SPIN1: variants seen among roughly 807,000 people sequenced by gnomAD.
SPIN1 encodes the protein spindlin-1.
SPIN1 carries 3 observed loss-of-function variants against 26.0 expected under a neutral mutation model. That is an observed-to-expected ratio of 0.12 (90% CI 0.05 to 0.30). SPIN1 has a LOEUF of 0.30. SPIN1 is among the 10% of genes least tolerant of loss of function. The pLI is 1.00. For missense variants in SPIN1, 126 were observed against 333.4 expected, an observed-to-expected ratio of 0.38 and a Z score of 4.84; for synonymous variants, 101 against 116.5, an observed-to-expected ratio of 0.87 and a Z score of 0.86.
chr9:88,411,112 T>G (rs960751725), intron 1 of SPIN1: 77 of 1,522,286 alleles, frequency 5.1e-5, no homozygotes, highest in Non-Finnish European at 6.1e-5. Flanking sequence ...GGTGATGTTC[T>G]TTAGTGTCTT....
At chr9:88,403,100 G>T (rs1360799918) in intron 1 of SPIN1, among the ~76,000 whole-genome samples, 1 of 151,928 alleles carries the variant, frequency 6.6e-6, no homozygotes, top group African/African-American at 2.4e-5. Flanking sequence ...TATGTTTTTT[G>T]ATGTCCTTTG....
intron 3 of SPIN1, among the ~76,000 whole-genome samples, chr9:88,451,338 C>T (rs547613155): frequency 7.3e-4 from 111 of 152,196 alleles, no homozygotes; most frequent in Admixed American, 1.2e-3. Flanking sequence ...CACCTGTCCC[C>T]GAAGGTGTTA....
At chr9:88,418,284 A>G (rs143558644) in intron 1 of SPIN1, among the ~76,000 whole-genome samples, 93 of 152,344 alleles carry the variant, frequency 6.1e-4, no homozygotes, top group African/African-American at 2.0e-3. Flanking sequence ...CATTAGCATA[A>G]AAAAGACACT....
chr9:88,408,376 CTTTTTTTTTTT>C (rs1177261349), intron 1 of SPIN1, among the ~76,000 whole-genome samples: 1 of 115,434 alleles, frequency 8.7e-6, no homozygotes, highest in African/African-American at 3.7e-5. Flanking sequence ...TCCTTTTTTT[CTTTTTTTTTTT>C]TTTTTTTTGA....
chr9:88,413,214 G>A (rs931198679), intron 1 of SPIN1, among the ~76,000 whole-genome samples: 5 of 149,996 alleles, frequency 3.3e-5, no homozygotes, highest in Admixed American at 6.7e-5. Flanking sequence ...CTACAGGTGC[G>A]TGCCACCACA....
chr9:88,405,711 C>T (rs1827287376), intron 1 of SPIN1, among the ~76,000 whole-genome samples: 1 of 151,834 alleles, frequency 6.6e-6, no homozygotes. Flanking sequence ...CCAGCCTGTA[C>T]TATACTTTTG....
chr9:88,459,306 A>C (rs1828531626), intron 3 of SPIN1, among the ~76,000 whole-genome samples: 1 of 152,206 alleles, frequency 6.6e-6, no homozygotes, highest in Admixed American at 6.5e-5. Flanking sequence ...TCTAAAGTGG[A>C]AATGTAATCT....
At chr9:88,400,476 A>G (rs1051664378) in intron 1 of SPIN1, among the ~76,000 whole-genome samples, 4 of 152,166 alleles carry the variant, frequency 2.6e-5, no homozygotes, top group African/African-American at 9.7e-5. Context: ...AGGCCCATCC[A>G]CAAGGCCTGA....
chr9:88,436,828 G>C (rs1425537809), intron 2 of SPIN1, among the ~76,000 whole-genome samples: 21 of 144,138 alleles, frequency 1.5e-4, no homozygotes, highest in Non-Finnish European at 2.6e-4. Flanking sequence ...GCAGTGGCGG[G>C]ATCTCGGCTC....
At chr9:88,429,856 G>C (rs1286672284) in intron 2 of SPIN1, among the ~76,000 whole-genome samples, 1 of 152,060 alleles carries the variant, frequency 6.6e-6, no homozygotes, top group Non-Finnish European at 1.5e-5. Context: ...AGCTGTCTCT[G>C]GTTATCCCAT....
At chr9:88,416,266 T>C (rs1214033895) in intron 1 of SPIN1, among the ~76,000 whole-genome samples, 1 of 152,184 alleles carries the variant, frequency 6.6e-6, no homozygotes, top group Non-Finnish European at 1.5e-5. Flanking sequence ...TGTCTTTTCC[T>C]CTTTTTTGTT....
intron 4 of SPIN1, among the ~76,000 whole-genome samples, chr9:88,464,520 T>C (rs1196740743): frequency 1.3e-5 from 2 of 152,234 alleles, no homozygotes; most frequent in African/African-American, 4.8e-5. Flanking sequence ...TTGGGTTCTC[T>C]GAAGCCCATT....
intron 2 of SPIN1, among the ~76,000 whole-genome samples, chr9:88,431,537 G>T (rs187886322): frequency 2.0e-5 from 3 of 152,048 alleles, no homozygotes; most frequent in African/African-American, 7.2e-5. Flanking sequence ...TGATCCACCC[G>T]CCTCGGCCTC....
intron 2 of SPIN1, among the ~76,000 whole-genome samples, chr9:88,444,899 T>C (rs1272723811): frequency 6.6e-6 from 1 of 151,768 alleles, no homozygotes; most frequent in Admixed American, 6.6e-5. Flanking sequence ...CACTGTGTTA[T>C]TAGCCAGGAT....
chr9:88,409,882 C>A (rs981130868), intron 1 of SPIN1, among the ~76,000 whole-genome samples: 1 of 151,980 alleles, frequency 6.6e-6, no homozygotes, highest in Non-Finnish European at 1.5e-5. Flanking sequence ...TAGAGCCTGG[C>A]AGCTTCCCTT....
intron 2 of SPIN1, among the ~76,000 whole-genome samples, chr9:88,444,916 G>A (rs1345436264): frequency 2.6e-5 from 4 of 151,738 alleles, no homozygotes; most frequent in East Asian, 2.0e-4. Flanking sequence ...GGATGGTCTC[G>A]ATCTCCTGAC....
At chr9:88,400,965 A>G (rs1472596478) in intron 1 of SPIN1, among the ~76,000 whole-genome samples, 1 of 152,164 alleles carries the variant, frequency 6.6e-6, no homozygotes, top group Non-Finnish European at 1.5e-5. Context: ...GTGAGCCATG[A>G]TCGTGCAACT....
chr9:88,392,053 G>T (rs544289303), intron 1 of SPIN1, among the ~76,000 whole-genome samples: 3 of 152,292 alleles, frequency 2.0e-5, no homozygotes, highest in East Asian at 1.9e-4. Flanking sequence ...AACCTATGGT[G>T]TAAGTCTGTT....
intron 1 of SPIN1, among the ~76,000 whole-genome samples, chr9:88,410,186 T>TGTGC (rs1827408614): frequency 7.2e-6 from 1 of 139,030 alleles, no homozygotes; most frequent in African/African-American, 3.3e-5. Flanking sequence ...TGTGTGTGTG[T>TGTGC]GTGCAACTTT....
Sources: gnomAD v4.1 joint callset for allele counts (sites outside exome capture counted in the v4.1 genomes callset) on GRCh38, gnomAD v4.1.1 for gene constraint, MANE v1.5 for transcripts, NCBI Gene and HGNC (gene_info 2026-07-23, HGNC 2026-07-21) for gene names.